The following OSBPL8 variants were observed in gnomAD, a reference collection of about 807,000 sequenced individuals.
The protein encoded by OSBPL8 is oxysterol binding protein like 8, also known as oxysterol-binding protein-related protein 8.
Under a neutral mutation model 125.5 loss-of-function variants are expected in OSBPL8, and 59 were observed. That is an observed-to-expected ratio of 0.47 (90% CI 0.38 to 0.58). The LOEUF (loss-of-function observed/expected upper bound fraction) is 0.58. OSBPL8 is among the 20% of genes least tolerant of loss of function. The probability of loss-of-function intolerance (pLI) is 0.00; values close to 1 mark genes in which losing one functional copy is unlikely to be tolerated. For synonymous variants in OSBPL8, 330 were observed against 338.9 expected (o/e 0.97, Z 0.29); for missense variants, 758 against 1,047.8 (o/e 0.72, Z 3.82).
intron 1 of OSBPL8, among the ~76,000 whole-genome samples, chr12:76,545,681 T>C (rs1950764182): frequency 6.6e-6 from 1 of 152,188 alleles, no homozygotes; most frequent in East Asian, 1.9e-4. Flanking sequence ...GAATTCTAAG[T>C]ATAAATTACC....
chr12:76,393,389 T>G (rs975588763), intron 9 of OSBPL8, among the ~76,000 whole-genome samples: 1 of 152,150 alleles, frequency 6.6e-6, no homozygotes, highest in East Asian at 1.9e-4. Flanking sequence ...CATCTTCATA[T>G]TGAAAGCTCA....
At chr12:76,483,922 G>A (rs1196226788) in intron 2 of OSBPL8, among the ~76,000 whole-genome samples, 2 of 151,830 alleles carry the variant, frequency 1.3e-5, no homozygotes, top group African/African-American at 2.4e-5. Flanking sequence ...TGATCTGTAC[G>A]CCTCGGCCTC....
intron 1 of OSBPL8, among the ~76,000 whole-genome samples, chr12:76,538,562 G>A (rs1950558863): frequency 6.6e-6 from 1 of 152,162 alleles, no homozygotes; most frequent in South Asian, 2.1e-4. Context: ...GGCAACATGA[G>A]AGCAAGCCCT....
intron 4 of OSBPL8, among the ~76,000 whole-genome samples, chr12:76,418,510 T>C (rs1869027077): frequency 6.6e-6 from 1 of 152,104 alleles, no homozygotes; most frequent in Non-Finnish European, 1.5e-5. Flanking sequence ...CTTCCACATT[T>C]TCTAAGGTTA....
intron 1 of OSBPL8, among the ~76,000 whole-genome samples, chr12:76,531,906 G>A (rs1040411221): frequency 6.6e-6 from 1 of 151,806 alleles, no homozygotes; most frequent in African/African-American, 2.4e-5. Context: ...GCATGGTGGT[G>A]GGCACCTGTA....
chr12:76,454,538 T>TA (rs1565910069), intron 3 of OSBPL8, among the ~76,000 whole-genome samples: 1 of 150,610 alleles, frequency 6.6e-6, no homozygotes, highest in Admixed American at 6.6e-5. Flanking sequence ...AAATAAAAAT[T>TA]AAAAAAAGTT....
chr12:76,530,036 C>G (rs557025350), intron 1 of OSBPL8, among the ~76,000 whole-genome samples: 12 of 152,120 alleles, frequency 7.9e-5, no homozygotes, highest in Non-Finnish European at 1.8e-4. Flanking sequence ...TTTAACATGT[C>G]AAGCAGATTT....
intron 1 of OSBPL8, among the ~76,000 whole-genome samples, chr12:76,534,568 A>T (rs1189277148): frequency 6.6e-6 from 1 of 152,212 alleles, no homozygotes; most frequent in Non-Finnish European, 1.5e-5. Flanking sequence ...CAATATCTGC[A>T]TTGGAAAATA....
At chr12:76,375,851 G>C (rs908998131) in intron 16 of OSBPL8, among the ~76,000 whole-genome samples, 3 of 152,036 alleles carry the variant, frequency 2.0e-5, no homozygotes, top group Non-Finnish European at 2.9e-5. Context: ...ATGTAGTGTT[G>C]CAGTGCTGTC....
intron 17 of OSBPL8, 110 bp from the exon 18 acceptor site, chr12:76,373,543 T>A: frequency 3.4e-6 from 2 of 593,082 alleles, no homozygotes; most frequent in Non-Finnish European, 5.6e-6. Context: ...ACAGTACTAT[T>A]GAATGCACAA....
rs557208609 is a variant in OSBPL8, at chr12:76,415,494, C to T, written c.218-4860G>A. 2.6e-5 allele frequency among the ~76,000 whole-genome samples: 4 copies of T among 152,228 alleles called. No individual in the cohort carries two copies. In the East Asian group the frequency reaches 5.8e-4, roughly 22 times the overall value. On this transcript the variant is annotated intron_variant, in intron 4 of 23. Coordinates refer to ENST00000261183, the MANE Select transcript of OSBPL8 (RefSeq NM_020841.5). ...AACTCCTGACCTCAAGTGATCCACC[C>T]GCCTTGGCCTCCTAAAGTCCTGAGA...
chr12:76,367,055 A>G (rs1440925714), intron 21 of OSBPL8, among the ~76,000 whole-genome samples: 1 of 152,154 alleles, frequency 6.6e-6, no homozygotes, highest in Non-Finnish European at 1.5e-5. Context: ...CTGCTAGGTC[A>G]AGTTGGTTTA....
At chr12:76,393,259 AT>A (rs1399159921) in intron 9 of OSBPL8, among the ~76,000 whole-genome samples, 13 of 152,180 alleles carry the variant, frequency 8.5e-5, no homozygotes, top group African/African-American at 2.9e-4. Context: ...TAATAGTTTT[AT>A]TTTTTAAGTA....
intron 11 of OSBPL8, chr12:76,390,168 A>T (rs1953497830): frequency 4.4e-6 from 2 of 451,446 alleles, no homozygotes; most frequent in African/African-American, 4.0e-5. Context: ...GACATCAAGC[A>T]ATATCCTACT....
chr12:76,463,664 A>C (rs1261310558), intron 2 of OSBPL8, among the ~76,000 whole-genome samples: 1 of 152,220 alleles, frequency 6.6e-6, no homozygotes, highest in East Asian at 1.9e-4. Context: ...AGCACTGCAA[A>C]TGCAAAGCTG....
At position 76,369,648 on chromosome 12, in the gene OSBPL8, G is replaced by A; in HGVS notation, c.2229C>T (p.Tyr743=). The change falls in exon 20 of 24, where the codon TAC becomes TAT. Residue 743 remains tyrosine, a synonymous_variant. Coordinates refer to ENST00000261183, the MANE Select transcript of OSBPL8 (RefSeq NM_020841.5). ...ELDPLTGEWH[Y]KFADTRPWDP... ...TTTAAGTTACTTACTCTGCAAACTT[G>A]TAATGCCATTCTCCTGTGAGTGGAT... is the stretch of plus-strand genomic sequence containing the variant. 6.2e-7 allele frequency: 1 copy of A among 1,613,086 alleles called. No individual in the cohort carries two copies. Among genetic ancestry groups the A allele is most frequent in the Non-Finnish European group, 8.5e-7 (1 of 1,179,338 alleles).
rs1490125903 is a variant in OSBPL8, at chr12:76,394,642, T to C, written c.757+3A>G. On this transcript the variant is annotated splice_donor_region_variant and intron_variant, in intron 9 of 23. Coordinates refer to ENST00000261183, the MANE Select transcript of OSBPL8 (RefSeq NM_020841.5). ...AATCCAATCCATCAAAAACTATACT[T>C]ACCATCTGACTCTGAAGTAGCTCGG... 1 of 1,608,178 alleles carries C rather than the reference T, an allele frequency of 6.2e-7. No homozygotes were observed. The highest frequency in any genetic ancestry group is 2.2e-5 in the East Asian group (1 of 44,654).
intron 21 of OSBPL8, among the ~76,000 whole-genome samples, chr12:76,359,180 GTAGAATGTTAAATAA>G (rs1232565769): frequency 7.2e-5 from 11 of 152,220 alleles, no homozygotes; most frequent in East Asian, 1.9e-4. Flanking sequence ...TTATTCTCTA[GTAGAATGTTAAATAA>G]TAGAATGTTA....
At position 76,369,641 on chromosome 12, in the gene OSBPL8, C is replaced by A. The variant is rs778794377; in HGVS notation, c.2236G>T (p.Ala746Ser). 66 of 1,611,978 alleles carry A rather than the reference C, an allele frequency of 4.1e-5. No homozygotes were observed. The highest frequency in any genetic ancestry group is 5.1e-5 in the Non-Finnish European group (60 of 1,178,566). The change falls in exon 20 of 24, where the codon GCA becomes TCA. Residue 746 changes from alanine to serine, a missense_variant. Physicochemically the swap from Ala to Ser is moderately conservative, Grantham distance 99. Transcript: ENST00000261183. ...AAACTATTTTAAGTTACTTACTCTG[C>A]AAACTTGTAATGCCATTCTCCTGTG... is the stretch of plus-strand genomic sequence containing the variant. ...PLTGEWHYKF[A>S]DTRPWDPLND...
Sources: gnomAD v4.1 joint callset for allele counts (sites outside exome capture counted in the v4.1 genomes callset) on GRCh38, gnomAD v4.1.1 for gene constraint, MANE v1.5 for transcripts, NCBI Gene and HGNC (gene_info 2026-07-23, HGNC 2026-07-21) for gene names.